Variants in TDRD10 observed in about 807,000 individuals in gnomAD.
TDRD10 encodes the protein tudor domain-containing protein 10.
A neutral mutation model predicts 48.0 loss-of-function variants in TDRD10; 40 were observed. That is an observed-to-expected ratio of 0.83 (90% CI 0.65 to 1.09). The LOEUF (loss-of-function observed/expected upper bound fraction) is 1.09, where lower values mean the gene tolerates loss of function less well. TDRD10 is among the 50% of genes least tolerant of loss of function. The pLI is 0.00. For synonymous variants in TDRD10, 162 were observed against 170.4 expected (o/e 0.95, Z 0.38); for missense variants, 378 against 434.7 (o/e 0.87, Z 1.16).
chr1:154,524,817 C>T (rs1694228612), intron 6 of TDRD10, among the ~76,000 whole-genome samples: 1 of 152,170 alleles, frequency 6.6e-6, no homozygotes, highest in Non-Finnish European at 1.5e-5. Context: ...AGCCCTCTCC[C>T]CCACCTTCAC....
intron 4 of TDRD10, among the ~76,000 whole-genome samples, chr1:154,514,884 T>C (rs893078828): frequency 1.3e-5 from 2 of 151,856 alleles, no homozygotes; most frequent in Non-Finnish European, 2.9e-5. Context: ...ATTTTTTTTT[T>C]TGAGACGGAG....
intron 6 of TDRD10, among the ~76,000 whole-genome samples, chr1:154,538,581 C>T (rs577717721): frequency 1.5e-5 from 2 of 136,788 alleles, no homozygotes; most frequent in South Asian, 2.4e-4. Flanking sequence ...AGGCCAGGCG[C>T]GGTGGCTCAT....
At chr1:154,525,539 A>G (rs1244743624) in intron 6 of TDRD10, among the ~76,000 whole-genome samples, 1 of 152,222 alleles carries the variant, frequency 6.6e-6, no homozygotes, top group African/African-American at 2.4e-5. Flanking sequence ...AAGGTTGAAT[A>G]TTAATGAGCT....
At chr1:154,506,640 T>C (rs892897217) in intron 1 of TDRD10, among the ~76,000 whole-genome samples, 1 of 152,156 alleles carries the variant, frequency 6.6e-6, no homozygotes, top group Non-Finnish European at 1.5e-5. Flanking sequence ...CCTCCCAAAG[T>C]GTTGGGGTTA....
Position 154,545,581 on chromosome 1 carries a change from C to T in TDRD10, c.952+632C>T, listed in dbSNP as rs12044607. Among the ~76,000 whole-genome samples, 3 of 150,978 alleles carry T rather than the reference C, an allele frequency of 2.0e-5. No homozygotes were observed. The South Asian group carries it at 6.3e-4, about 32-fold the overall frequency. Reference sequence around the variant, plus strand: ...TGGAAAAGTTTTATTTAAAAAATTTCTTTTTTTTTCAGAGGCAGGGTCTCA... The same window carrying T: ...TGGAAAAGTTTTATTTAAAAAATTTTTTTTTTTTTCAGAGGCAGGGTCTCA... On this transcript the variant is annotated intron_variant, in intron 11 of 12. Coordinates refer to ENST00000368482, the MANE Select transcript of TDRD10 (RefSeq NM_182499.4).
At chr1:154,538,015 C>A (rs78098548) in intron 6 of TDRD10, among the ~76,000 whole-genome samples, 9 of 152,198 alleles carry the variant, frequency 5.9e-5, no homozygotes, top group African/African-American at 2.2e-4. Flanking sequence ...ACAGACACGT[C>A]GGAAATTGGA....
intron 4 of TDRD10, among the ~76,000 whole-genome samples, chr1:154,519,219 A>G (rs1326582268): frequency 6.6e-6 from 1 of 152,248 alleles, no homozygotes; most frequent in Non-Finnish European, 1.5e-5. Context: ...CATCTTTTAG[A>G]TTCATGTGTA....
intron 4 of TDRD10, among the ~76,000 whole-genome samples, chr1:154,519,536 C>A (rs1226075162): frequency 6.6e-6 from 1 of 152,112 alleles, no homozygotes; most frequent in Non-Finnish European, 1.5e-5. Flanking sequence ...GTGAAGCCAT[C>A]ACAGTGGGCA....
At chr1:154,537,638 C>G (rs1694990301) in intron 6 of TDRD10, among the ~76,000 whole-genome samples, 1 of 152,166 alleles carries the variant, frequency 6.6e-6, no homozygotes, top group African/African-American at 2.4e-5. Context: ...TGCCTGTGTT[C>G]TGGGTGTCAT....
chr1:154,544,618 GCTT>G (rs1397644690), intron 10 of TDRD10, 101 bp downstream of exon 10: 30 of 1,498,388 alleles, frequency 2.0e-5, no homozygotes, highest in Non-Finnish European at 2.5e-5. Context: ...TTTTCCTGTG[GCTT>G]CTTCTCTCAA....
chr1:154,532,212 G>C (rs545248801), intron 6 of TDRD10, among the ~76,000 whole-genome samples: 2 of 152,322 alleles, frequency 1.3e-5, no homozygotes, highest in South Asian at 4.1e-4. Flanking sequence ...CAGGCATGGC[G>C]GGCTGCAGGT....
chr1:154,538,125 TA>T (rs1350263590), intron 6 of TDRD10, among the ~76,000 whole-genome samples: 41 of 152,352 alleles, frequency 2.7e-4, no homozygotes, highest in African/African-American at 9.1e-4. Flanking sequence ...ACGGGCTTGT[TA>T]TATTTATCAC....
rs769568577 is a variant in TDRD10, at chr1:154,544,046, C to T, written c.587C>T (p.Ala196Val). The change falls in exon 9 of 13, where the codon GCG becomes GTG. Residue 196 changes from alanine to valine, a missense_variant. Coordinates refer to ENST00000368482, the MANE Select transcript of TDRD10 (RefSeq NM_182499.4). ...CTCATCCATAGCGTCCGTGGGGAGG[C>T]GGGGCTGCTGGTGACGAGTATCGTC... ...LALIHSVRGE[A>V]GLLVTSIVPK... 3.9e-5 allele frequency: 63 copies of T among 1,614,030 alleles called. No homozygotes were observed. The highest frequency in any genetic ancestry group is 4.9e-5 in the Non-Finnish European group (58 of 1,180,028).
intron 3 of TDRD10, 135 bp downstream of exon 3, chr1:154,507,455 G>A: frequency 9.5e-7 from 1 of 1,051,740 alleles, no homozygotes; most frequent in Non-Finnish European, 1.4e-6. Context: ...TCTTCCTCCA[G>A]TCAGCCACCA....
At chr1:154,529,807 A>C (rs2149336153) in intron 6 of TDRD10, among the ~76,000 whole-genome samples, 1 of 152,066 alleles carries the variant, frequency 6.6e-6, no homozygotes, top group African/African-American at 2.4e-5. Context: ...GGCCTCCCAA[A>C]GTGCCGGGAT....
intron 10 of TDRD10, 87 bp downstream of exon 10, chr1:154,544,604 T>C (rs1463249521): frequency 3.3e-6 from 5 of 1,516,814 alleles, no homozygotes; most frequent in Non-Finnish European, 8.8e-7. Context: ...TGGGCTCTGG[T>C]TTTTTTTCCT....
At chr1:154,539,987 G>A (rs1695132899) in intron 6 of TDRD10, among the ~76,000 whole-genome samples, 1 of 152,196 alleles carries the variant, frequency 6.6e-6, no homozygotes, top group Non-Finnish European at 1.5e-5. Context: ...GTGGGTGAAG[G>A]GGAGGGGAGT....
intron 10 of TDRD10, 118 bp downstream of exon 10, chr1:154,544,635 C>A: frequency 6.8e-7 from 1 of 1,475,964 alleles, no homozygotes; most frequent in South Asian, 1.4e-5. Flanking sequence ...CTCTCAAAAT[C>A]ATCTTTATCC....
intron 1 of TDRD10, among the ~76,000 whole-genome samples, chr1:154,506,076 C>T (rs948948964): frequency 1.3e-5 from 2 of 152,152 alleles, no homozygotes; most frequent in African/African-American, 4.8e-5. Context: ...TATTAGTTTT[C>T]GATTTGCTTT....
Sources: allele counts gnomAD v4.1 joint callset (sites outside exome capture counted in the v4.1 genomes callset), GRCh38; gene constraint gnomAD v4.1.1; transcripts MANE v1.5; gene names NCBI Gene and HGNC (gene_info 2026-07-23, HGNC 2026-07-21).